Variants in CLN8 observed in about 807,000 individuals in gnomAD.
CLN8 encodes the protein CLN8 transmembrane ER and ERGIC protein.
CLN8 carries 14 observed loss-of-function variants against 15.7 expected under a neutral mutation model. That is an observed-to-expected ratio of 0.89 (90% CI 0.59 to 1.39). CLN8 has a LOEUF of 1.39. CLN8 is among the 40% of genes most tolerant of loss of function. CLN8 has a pLI of 0.00. For synonymous variants in CLN8, 188 were observed against 151.0 expected (o/e 1.25, Z -1.80); for missense variants, 415 against 364.0 (o/e 1.14, Z -1.14).
rs1277595090 is a variant in CLN8, at chr8:1,782,227, C to G, written c.*1660C>G. 1.3e-5 allele frequency: 2 copies of G among 150,702 alleles called. No individual in the cohort carries two copies. The highest frequency in any genetic ancestry group is 4.9e-5 in the African/African-American group (2 of 40,860). The allele number at this position is 150,702 out of a possible 1,614,324, so 9.3% of individuals were successfully genotyped here. ...TGGTGTGATCTCGGCTCACTGCAAC[C>G]TCCACCTCCCGGGTTCCAGGGATTC... On this transcript the variant is annotated 3_prime_UTR_variant, in exon 3 of 3. Coordinates refer to ENST00000331222, the MANE Select transcript of CLN8 (RefSeq NM_018941.4).
upstream of CLN8, chr8:1,763,151 C>T (rs1018703962): frequency 1.3e-5 from 2 of 151,980 alleles, no homozygotes; most frequent in African/African-American, 4.8e-5. Flanking sequence ...CCCGGGGAGG[C>T]TCCGGCTCCG....
At chr8:1,767,604 T>A (rs1182198666) in intron 1 of CLN8, among the ~76,000 whole-genome samples, 1 of 124,042 alleles carries the variant, frequency 8.1e-6, no homozygotes, top group Non-Finnish European at 1.6e-5. Flanking sequence ...CGGGGTCTCA[T>A]CTTGTCACCC....
chr8:1,777,268 G>A (rs1165820408), intron 2 of CLN8, among the ~76,000 whole-genome samples: 1 of 152,134 alleles, frequency 6.6e-6, no homozygotes, highest in Non-Finnish European at 1.5e-5. Flanking sequence ...TGTTAAAGAT[G>A]AAAAATGGCA....
At chr8:1,754,000 C>T (rs141267325), upstream of CLN8, among the ~76,000 whole-genome samples, 455 of 152,292 alleles carry the variant, frequency 3.0e-3, 7 homozygotes, top group Admixed American at 0.026. Context: ...AAAGGATAAG[C>T]TGTGAGTCTG....
At chr8:1,757,526 T>G (rs995173091) in intron 1 of CLN8, among the ~76,000 whole-genome samples, 2 of 152,170 alleles carry the variant, frequency 1.3e-5, no homozygotes, top group Admixed American at 1.3e-4. Flanking sequence ...CTGCAACCTC[T>G]GCCTCCCAGG....
At chr8:1,778,851 G>C (rs1345334489) in intron 2 of CLN8, among the ~76,000 whole-genome samples, 1 of 152,140 alleles carries the variant, frequency 6.6e-6, no homozygotes, top group Non-Finnish European at 1.5e-5. Context: ...TTTGACTCAG[G>C]ATGGGGTTAC....
At chr8:1,762,466 T>G (rs6558535), upstream of CLN8, 1 of 152,054 alleles carries the variant, frequency 6.6e-6, no homozygotes, top group African/African-American at 2.4e-5. Flanking sequence ...TCCCCTAACA[T>G]CATGAAGGCT....
At chr8:1,763,939 C>G (rs1295536982) in intron 1 of CLN8, 54 bp downstream of exon 1, 1 of 149,252 alleles carries the variant, frequency 6.7e-6, no homozygotes, top group Non-Finnish European at 1.5e-5. Flanking sequence ...AGGGGCAGCC[C>G]AGGTGAGCGC....
chr8:1,769,772 C>T (rs1801225295), intron 1 of CLN8, among the ~76,000 whole-genome samples: 1 of 152,184 alleles, frequency 6.6e-6, no homozygotes, highest in Admixed American at 6.5e-5. Flanking sequence ...CAGCATGATT[C>T]AGCATCTGTT....
intron 2 of CLN8, 89 bp downstream of exon 2, chr8:1,771,686 G>A: frequency 8.1e-7 from 1 of 1,230,278 alleles, no homozygotes; most frequent in Admixed American, 2.0e-5. Flanking sequence ...AAACTCAACA[G>A]CAGGCTGGAT....
chr8:1,766,687 G>C (rs548127297), intron 1 of CLN8, among the ~76,000 whole-genome samples: 7 of 151,038 alleles, frequency 4.6e-5, no homozygotes, highest in Non-Finnish European at 1.0e-4. Flanking sequence ...CACCCTGCCC[G>C]GCCGATTCGG....
At chr8:1,766,356 A>G (rs1801054390) in intron 1 of CLN8, among the ~76,000 whole-genome samples, 1 of 151,128 alleles carries the variant, frequency 6.6e-6, no homozygotes, top group Non-Finnish European at 1.5e-5. Flanking sequence ...TGAAAGAACC[A>G]GATGAGTCCA....
At chr8:1,772,973 C>T (rs1436827921) in intron 2 of CLN8, 4 of 398,472 alleles carry the variant, frequency 1.0e-5, no homozygotes, top group Admixed American at 4.4e-5. Context: ...TCACTCCTGC[C>T]TTCGGGGTCG....
At chr8:1,760,704 C>G (rs994092891), upstream of CLN8, among the ~76,000 whole-genome samples, 1 of 152,166 alleles carries the variant, frequency 6.6e-6, no homozygotes, top group South Asian at 2.1e-4. Context: ...GAACCCAGTG[C>G]TGATGGAGAA....
chr8:1,775,778 C>A (rs766841554), intron 2 of CLN8, among the ~76,000 whole-genome samples: 1 of 152,012 alleles, frequency 6.6e-6, no homozygotes, highest in Non-Finnish European at 1.5e-5. Context: ...TTCAGAACAT[C>A]GACTCTTCAG....
intron 2 of CLN8, among the ~76,000 whole-genome samples, chr8:1,772,650 G>A (rs1336250375): frequency 6.6e-6 from 1 of 151,838 alleles, no homozygotes; most frequent in East Asian, 2.0e-4. Context: ...GTGTGTGTGT[G>A]TGTATTTTTA....
chr8:1,762,312 T>C (rs571181676), upstream of CLN8: 1 of 152,332 alleles, frequency 6.6e-6, no homozygotes, highest in East Asian at 1.9e-4. Flanking sequence ...GCCTCCTGAG[T>C]AGCTGAGATT....
At chr8:1,779,443 C>T (rs1177146931) in intron 2 of CLN8, among the ~76,000 whole-genome samples, 2 of 152,156 alleles carry the variant, frequency 1.3e-5, no homozygotes, top group African/African-American at 4.8e-5. Context: ...TGGGGCTTCG[C>T]CATGTTGGCC....
chr8:1,779,850 G>T (rs1801653482), intron 2 of CLN8: 1 of 586,598 alleles, frequency 1.7e-6, no homozygotes, highest in South Asian at 7.4e-5. Context: ...CCAGGGTCTA[G>T]GTATGGGAGC....
Sources: allele counts gnomAD v4.1 joint callset (sites outside exome capture counted in the v4.1 genomes callset), GRCh38; gene constraint gnomAD v4.1.1; transcripts MANE v1.5; gene names NCBI Gene and HGNC (gene_info 2026-07-23, HGNC 2026-07-21).